The following SMIM35 variants were observed in gnomAD, a reference collection of about 807,000 sequenced individuals.
SMIM35 encodes small integral membrane protein 35, also known as TMPRSS4 antisense RNA 1 (non-protein coding).
Position 118,033,562 on chromosome 11 carries a change from T to C in SMIM35, c.8-17753A>G, listed in dbSNP as rs572416160. Among the ~76,000 whole-genome samples the C allele has an allele frequency of 6.6e-5, 10 of 152,296 alleles. No homozygotes were observed. In the South Asian group the frequency reaches 1.5e-3, roughly 22 times the overall value. On this transcript the variant is annotated intron_variant, in intron 1 of 4. Transcript: ENST00000689828. ...TGCTTTGGCTTCCAGAAAATGTCCC[T>C]GTAAAATCAAGAAAGTTTAGGGCAA...
chr11:118,063,084 G>C (rs897868970), intron 1 of SMIM35, among the ~76,000 whole-genome samples: 1 of 152,204 alleles, frequency 6.6e-6, no homozygotes, highest in Non-Finnish European at 1.5e-5. Context: ...CTAAAAAGAA[G>C]AGGCATGAAT....
chr11:118,074,736 G>A (rs1469541442), intron 1 of SMIM35, among the ~76,000 whole-genome samples: 1 of 139,462 alleles, frequency 7.2e-6, no homozygotes, highest in African/African-American at 2.7e-5. Context: ...AACAGAGGGG[G>A]ACCCTGTCTC....
intron 1 of SMIM35, among the ~76,000 whole-genome samples, chr11:118,060,037 C>T (rs1944372448): frequency 1.3e-5 from 2 of 152,220 alleles, no homozygotes; most frequent in African/African-American, 4.8e-5. Context: ...TGCAGACCCA[C>T]CTGTGAGGGC....
At chr11:118,023,588 C>A (rs991665307) in intron 1 of SMIM35, among the ~76,000 whole-genome samples, 1 of 144,612 alleles carries the variant, frequency 6.9e-6, no homozygotes, top group Admixed American at 7.3e-5. Flanking sequence ...CAAATTATTT[C>A]CAGGGATGAA....
intron 1 of SMIM35, chr11:118,028,728 T>G: frequency 2.5e-6 from 1 of 393,218 alleles, no homozygotes; most frequent in African/African-American, 2.1e-5. Flanking sequence ...GGTCAAGGGG[T>G]AAATTAGGAG....
At chr11:118,066,032 G>A (rs992184552) in intron 1 of SMIM35, among the ~76,000 whole-genome samples, 1 of 151,990 alleles carries the variant, frequency 6.6e-6, no homozygotes. Context: ...GCCCTGCTGG[G>A]GAAGAGGGGG....
intron 1 of SMIM35, among the ~76,000 whole-genome samples, chr11:118,029,432 T>C (rs1439677396): frequency 6.6e-6 from 1 of 152,214 alleles, no homozygotes; most frequent in Non-Finnish European, 1.5e-5. Context: ...AGCTGTTGTT[T>C]CTCAGTTTCA....
chr11:118,029,868 A>C (rs140543475), intron 1 of SMIM35: 1 of 448,762 alleles, frequency 2.2e-6, no homozygotes, highest in Non-Finnish European at 4.5e-6. Flanking sequence ...CTGCATTGCT[A>C]CCTCCACATC....
chr11:118,032,672 C>T (rs776123051), intron 1 of SMIM35, among the ~76,000 whole-genome samples: 2 of 152,116 alleles, frequency 1.3e-5, no homozygotes, highest in Non-Finnish European at 2.9e-5. Context: ...TTTGAGAGGC[C>T]GAGATGTGGG....
chr11:118,040,635 T>C (rs985930381), intron 1 of SMIM35, among the ~76,000 whole-genome samples: 3 of 152,210 alleles, frequency 2.0e-5, no homozygotes, highest in Admixed American at 1.3e-4. Flanking sequence ...TCATGCTAAT[T>C]TGAATACGTA....
chr11:118,005,668 T>A lies in SMIM35; in HGVS notation c.*742A>T, dbSNP rs996365006. ...AAACTCCTTAGTAAGTCCTATCAGC[T>A]CTACCTTCCAGATAGATGGTGAATC... On this transcript the variant is annotated 3_prime_UTR_variant, in exon 5 of 5. Coordinates refer to ENST00000689828, the MANE Select transcript of SMIM35 (RefSeq NM_001394165.1). 7 of 152,400 alleles carry A rather than the reference T, an allele frequency of 4.6e-5. No individual in the cohort carries two copies. The highest frequency in any genetic ancestry group is 1.7e-4 in the African/African-American group (7 of 41,440). The allele number at this position is 152,400 out of a possible 1,614,324, so 9.4% of individuals were successfully genotyped here.
chr11:118,013,956 C>T, intron 3 of SMIM35, 76 bp from the exon 4 acceptor site: 1 of 398,036 alleles, frequency 2.5e-6, no homozygotes, highest in Admixed American at 4.4e-5. Context: ...CCCTTGACTC[C>T]AGGGCACCAA....
At chr11:118,076,579 A>G (rs1944696543) in intron 1 of SMIM35, among the ~76,000 whole-genome samples, 1 of 152,192 alleles carries the variant, frequency 6.6e-6, no homozygotes, top group African/African-American at 2.4e-5. Context: ...GGCAGGAAGC[A>G]CTAGTACATT....
intron 1 of SMIM35, among the ~76,000 whole-genome samples, chr11:118,056,604 C>T (rs976064979): frequency 6.6e-6 from 1 of 152,046 alleles, no homozygotes; most frequent in Non-Finnish European, 1.5e-5. Flanking sequence ...GATATCAGCA[C>T]CCAGGTGATA....
chr11:118,034,581 G>T (rs919272119), intron 1 of SMIM35, among the ~76,000 whole-genome samples: 2 of 152,176 alleles, frequency 1.3e-5, no homozygotes, highest in Non-Finnish European at 2.9e-5. Context: ...AAAATTAGCT[G>T]GGCGTGGTGG....
At chr11:118,029,512 G>A (rs564137701) in intron 1 of SMIM35, among the ~76,000 whole-genome samples, 1 of 152,286 alleles carries the variant, frequency 6.6e-6, no homozygotes, top group South Asian at 2.1e-4. Context: ...CTTGCCAGCT[G>A]GGGGAAGTTC....
chr11:118,047,372 A>T (rs1944114742), intron 1 of SMIM35, among the ~76,000 whole-genome samples: 1 of 152,262 alleles, frequency 6.6e-6, no homozygotes. Flanking sequence ...AGATGGAGAC[A>T]GAGAAAATAT....
intron 1 of SMIM35, among the ~76,000 whole-genome samples, chr11:118,023,697 G>A (rs2058250589): frequency 6.6e-6 from 1 of 151,842 alleles, no homozygotes; most frequent in Non-Finnish European, 1.5e-5. Context: ...ATAGCAATAG[G>A]AACTATCCAA....
At chr11:118,024,220 A>G (rs939383035) in intron 1 of SMIM35, among the ~76,000 whole-genome samples, 1 of 152,204 alleles carries the variant, frequency 6.6e-6, no homozygotes, top group Non-Finnish European at 1.5e-5. Context: ...TTCTTTTCCT[A>G]TGAGGAATTC....
Sources: allele counts gnomAD v4.1 joint callset (sites outside exome capture counted in the v4.1 genomes callset), GRCh38; gene constraint gnomAD v4.1.1; transcripts MANE v1.5; gene names NCBI Gene and HGNC (gene_info 2026-07-23, HGNC 2026-07-21).